The following PTPRD variants were observed in gnomAD, a reference collection of about 807,000 sequenced individuals.
PTPRD encodes the protein protein tyrosine phosphatase receptor type D, also known as receptor-type tyrosine-protein phosphatase delta.
A neutral mutation model predicts 214.5 loss-of-function variants in PTPRD; 34 were observed. The ratio of observed to expected loss-of-function variants is 0.16; its 90% CI spans 0.12 to 0.21. The LOEUF (loss-of-function observed/expected upper bound fraction) is 0.21, where lower values mean the gene tolerates loss of function less well. Among genes scored for constraint, PTPRD ranks in the 10% least tolerant of loss-of-function variants. The probability of loss-of-function intolerance (pLI) is 1.00; values close to 1 mark genes in which losing one functional copy is unlikely to be tolerated. For synonymous variants in PTPRD, 1,128 were observed against 845.7 expected, an observed-to-expected ratio of 1.33 and a Z score of -5.79; for missense variants, 2,545 against 2,398.7, an observed-to-expected ratio of 1.06 and a Z score of -1.27.
chr9:9,931,844 A>G (rs1334218814), intron 5 of PTPRD, among the ~76,000 whole-genome samples: 2 of 150,906 alleles, frequency 1.3e-5, no homozygotes, highest in African/African-American at 4.9e-5. Context: ...AGCTTTGAAG[A>G]GAGCAGTGGT....
chr9:9,277,606 C>A (rs1946160516), intron 9 of PTPRD, among the ~76,000 whole-genome samples: 1 of 151,118 alleles, frequency 6.6e-6, no homozygotes, highest in South Asian at 2.1e-4. Flanking sequence ...CTATCTGTGA[C>A]CCTCTCAAAA....
intron 4 of PTPRD, among the ~76,000 whole-genome samples, chr9:9,982,200 A>C (rs2095564863): frequency 6.6e-6 from 1 of 152,072 alleles, no homozygotes; most frequent in African/African-American, 2.4e-5. Flanking sequence ...CTGGCTTCCT[A>C]ACCTTGACAA....
At chr9:9,310,783 T>C (rs551917705) in intron 9 of PTPRD, among the ~76,000 whole-genome samples, 35 of 151,946 alleles carry the variant, frequency 2.3e-4, no homozygotes, top group Non-Finnish European at 4.7e-4. Context: ...CCGGGCATGG[T>C]GGCAAATGCC....
At chr9:8,470,394 C>T (rs1242006584) in intron 31 of PTPRD, among the ~76,000 whole-genome samples, 1 of 152,086 alleles carries the variant, frequency 6.6e-6, no homozygotes, top group Admixed American at 6.6e-5. Context: ...TGGAAATCCA[C>T]GTTATATATT....
At chr9:8,947,775 T>C (rs1411921123) in intron 11 of PTPRD, among the ~76,000 whole-genome samples, 4 of 152,108 alleles carry the variant, frequency 2.6e-5, no homozygotes, top group Non-Finnish European at 5.9e-5. Flanking sequence ...CAAGAAAAGA[T>C]TACTACTGTG....
intron 3 of PTPRD, among the ~76,000 whole-genome samples, chr9:10,114,102 A>T (rs2098712076): frequency 6.6e-6 from 1 of 152,220 alleles, no homozygotes; most frequent in African/African-American, 2.4e-5. Context: ...ATTGACAAAC[A>T]TGGAACATGC....
chr9:9,906,023 C>T (rs189023916), intron 5 of PTPRD, among the ~76,000 whole-genome samples: 4 of 151,866 alleles, frequency 2.6e-5, no homozygotes, highest in Admixed American at 1.3e-4. Context: ...ACTTGAAGTA[C>T]AGCTGAGAAG....
chr9:9,190,728 G>C (rs557243188), intron 9 of PTPRD, among the ~76,000 whole-genome samples: 2 of 152,170 alleles, frequency 1.3e-5, no homozygotes, highest in South Asian at 2.1e-4. Context: ...CAGGTATTTT[G>C]TTACAGCAGC....
Position 8,575,938 on chromosome 9 carries a change from A to G in PTPRD, c.353-47159T>C, listed in dbSNP as rs181867466. Reference sequence around the variant, plus strand: ...TCCATAATCGACTCTGCTATACAGGAGATGTACTACAAAGATTTCAGCAGA... The same window carrying G: ...TCCATAATCGACTCTGCTATACAGGGGATGTACTACAAAGATTTCAGCAGA... On this transcript the variant is annotated intron_variant, in intron 14 of 45. Transcript: ENST00000381196. Among the ~76,000 whole-genome samples the G allele has an allele frequency of 1.5e-3, 236 of 152,300 alleles. 1 individual carries two copies. Among genetic ancestry groups the G allele is most frequent in the African/African-American group, 4.4e-3 (185 of 41,576 alleles).
chr9:9,859,382 T>A (rs1224889575), intron 5 of PTPRD, among the ~76,000 whole-genome samples: 6 of 152,196 alleles, frequency 3.9e-5, no homozygotes, highest in Admixed American at 1.3e-4. Context: ...TAAAGTTGAG[T>A]CTGAGCCTAA....
At chr9:8,864,199 T>G (rs1418952135) in intron 11 of PTPRD, among the ~76,000 whole-genome samples, 2 of 152,224 alleles carry the variant, frequency 1.3e-5, no homozygotes, top group African/African-American at 4.8e-5. Context: ...AAAAGGAAGT[T>G]AAATTTTGAA....
intron 2 of PTPRD, among the ~76,000 whole-genome samples, chr9:10,455,461 T>C (rs1307743008): frequency 1.3e-5 from 2 of 151,778 alleles, no homozygotes; most frequent in Non-Finnish European, 3.0e-5. Flanking sequence ...TAAGTCATAC[T>C]TACATGTCCA....
At chr9:9,001,532 C>T (rs1287335139) in intron 11 of PTPRD, among the ~76,000 whole-genome samples, 1 of 151,970 alleles carries the variant, frequency 6.6e-6, no homozygotes, top group African/African-American at 2.4e-5. Flanking sequence ...GCACCACAGG[C>T]TTCTTTAGGT....
At chr9:9,712,406 T>A (rs1031849775) in intron 7 of PTPRD, among the ~76,000 whole-genome samples, 13 of 152,258 alleles carry the variant, frequency 8.5e-5, no homozygotes, top group East Asian at 1.9e-4. Flanking sequence ...TTAAAAAAAA[T>A]TATTTTACTT....
intron 11 of PTPRD, among the ~76,000 whole-genome samples, chr9:8,842,573 GGA>G (rs1566541132): frequency 6.6e-6 from 1 of 152,106 alleles, no homozygotes; most frequent in Non-Finnish European, 1.5e-5. Flanking sequence ...GGGAGACTGT[GGA>G]GAGGTAGGGG....
At chr9:9,214,816 G>A (rs2099951092) in intron 9 of PTPRD, among the ~76,000 whole-genome samples, 1 of 152,092 alleles carries the variant, frequency 6.6e-6, no homozygotes, top group Non-Finnish European at 1.5e-5. Flanking sequence ...AACTCATGTA[G>A]TTGTCTCAGC....
At chr9:8,466,737 G>C (rs1268698156) in intron 31 of PTPRD, among the ~76,000 whole-genome samples, 1 of 151,674 alleles carries the variant, frequency 6.6e-6, no homozygotes, top group Non-Finnish European at 1.5e-5. Context: ...TGTATTTGAG[G>C]ACAAACTGGA....
chr9:10,591,279 G>C (rs898157276), intron 2 of PTPRD, among the ~76,000 whole-genome samples: 14 of 151,934 alleles, frequency 9.2e-5, no homozygotes, highest in East Asian at 7.8e-4. Context: ...GTATGTCTGT[G>C]GTTTGACAGT....
At position 8,775,111 on chromosome 9, in the gene PTPRD, G is replaced by C. The variant is rs181124085; in HGVS notation, c.-103-41165C>G. 6.9e-3 allele frequency among the ~76,000 whole-genome samples: 1,050 copies of C among 152,220 alleles called. 13 individuals are homozygous for C. The highest frequency in any genetic ancestry group is 0.024 in the African/African-American group (1,008 of 41,532). ...ATGCAGGTACTAACATCTTTGGAAT[G>C]AACTTTGAATCAATTAATTGTATTG... On this transcript the variant is annotated intron_variant, in intron 11 of 45. Transcript: ENST00000381196.
Sources: allele counts gnomAD v4.1 joint callset (sites outside exome capture counted in the v4.1 genomes callset), GRCh38; gene constraint gnomAD v4.1.1; transcripts MANE v1.5; gene names NCBI Gene and HGNC (gene_info 2026-07-23, HGNC 2026-07-21).